The following HS3ST3A1 variants were observed in gnomAD, a reference collection of about 807,000 sequenced individuals.
HS3ST3A1 encodes heparan sulfate-glucosamine 3-sulfotransferase 3A1.
HS3ST3A1 carries 19 observed loss-of-function variants against 25.7 expected under a neutral mutation model. That is an observed-to-expected ratio of 0.74 (90% CI 0.52 to 1.08). HS3ST3A1 has a LOEUF of 1.08. Among genes scored for constraint, HS3ST3A1 ranks in the 50% least tolerant of loss-of-function variants. The probability of loss-of-function intolerance (pLI) is 0.00; values close to 1 mark genes in which losing one functional copy is unlikely to be tolerated. For synonymous variants in HS3ST3A1, 226 were observed against 278.6 expected (o/e 0.81, Z 1.88); for missense variants, 459 against 594.3 (o/e 0.77, Z 2.37).
intron 1 of HS3ST3A1, among the ~76,000 whole-genome samples, chr17:13,539,946 C>G (rs1906882375): frequency 6.6e-6 from 1 of 152,152 alleles, no homozygotes; most frequent in Non-Finnish European, 1.5e-5. Flanking sequence ...ACTAGAGCTA[C>G]AAAGAGAGGG....
chr17:13,522,127 AT>A (rs1906266951), intron 1 of HS3ST3A1, among the ~76,000 whole-genome samples: 1 of 152,238 alleles, frequency 6.6e-6, no homozygotes, highest in South Asian at 2.1e-4. Context: ...CAGATAAAAA[AT>A]ATCAGACAGC....
intron 1 of HS3ST3A1, among the ~76,000 whole-genome samples, chr17:13,559,595 GTTTAA>G (rs1274848953): frequency 6.7e-6 from 1 of 149,270 alleles, no homozygotes; most frequent in Non-Finnish European, 1.5e-5. Flanking sequence ...TGTATTATAT[GTTTAA>G]TTTATTATTG....
chr17:13,556,528 G>T (rs8076268), intron 1 of HS3ST3A1, among the ~76,000 whole-genome samples: 53,321 of 148,924 alleles, frequency 0.36, 11,980 homozygotes, highest in African/African-American at 0.65. Flanking sequence ...TAAAATAAAA[G>T]AAAATAAAAT....
chr17:13,576,289 G>C (rs181292516), intron 1 of HS3ST3A1, among the ~76,000 whole-genome samples: 3 of 152,352 alleles, frequency 2.0e-5, no homozygotes, highest in Admixed American at 1.3e-4. Context: ...ACAGTCATCA[G>C]CTGGAGCTGC....
intron 1 of HS3ST3A1, among the ~76,000 whole-genome samples, chr17:13,518,504 C>A (rs1312167802): frequency 6.6e-6 from 1 of 152,150 alleles, no homozygotes; most frequent in African/African-American, 2.4e-5. Context: ...TTGACGGGTC[C>A]AATTCTTCAT....
At chr17:13,597,938 C>T (rs1189810869) in intron 1 of HS3ST3A1, among the ~76,000 whole-genome samples, 2 of 152,174 alleles carry the variant, frequency 1.3e-5, no homozygotes, top group Admixed American at 1.3e-4. Flanking sequence ...GTGGCACTGC[C>T]ACCACAAACT....
At chr17:13,546,853 G>A (rs2142351586) in intron 1 of HS3ST3A1, among the ~76,000 whole-genome samples, 1 of 152,264 alleles carries the variant, frequency 6.6e-6, no homozygotes, top group South Asian at 2.1e-4. Flanking sequence ...CATGATAAAA[G>A]GGATTCTGGA....
At chr17:13,565,178 G>T (rs986610532) in intron 1 of HS3ST3A1, among the ~76,000 whole-genome samples, 4 of 151,662 alleles carry the variant, frequency 2.6e-5, no homozygotes, top group Non-Finnish European at 4.4e-5. Context: ...TTCAATTTTT[G>T]CATGGTAGCT....
At chr17:13,497,363 T>G (rs1247867971) in intron 1 of HS3ST3A1, among the ~76,000 whole-genome samples, 1 of 152,230 alleles carries the variant, frequency 6.6e-6, no homozygotes, top group Non-Finnish European at 1.5e-5. Flanking sequence ...GAATCCATCT[T>G]TTGCCTAATG....
At chr17:13,500,070 T>C (rs1291904399) in intron 1 of HS3ST3A1, among the ~76,000 whole-genome samples, 1 of 152,238 alleles carries the variant, frequency 6.6e-6, no homozygotes, top group Non-Finnish European at 1.5e-5. Flanking sequence ...TAAAATTTTT[T>C]TTCAAACAAG....
At chr17:13,504,494 G>A (rs530034647) in intron 1 of HS3ST3A1, among the ~76,000 whole-genome samples, 40 of 152,284 alleles carry the variant, frequency 2.6e-4, no homozygotes, top group African/African-American at 9.1e-4. Context: ...GTGTCTAGAA[G>A]AGGGCATGAG....
intron 1 of HS3ST3A1, among the ~76,000 whole-genome samples, chr17:13,579,016 T>C (rs1209188622): frequency 1.3e-5 from 2 of 152,206 alleles, no homozygotes; most frequent in African/African-American, 4.8e-5. Flanking sequence ...CACATAATTA[T>C]ATATTTTTAA....
chr17:13,556,850 T>TAA lies in HS3ST3A1; in HGVS notation c.599+43679_599+43680dup, dbSNP rs71144974. On this transcript the variant is annotated intron_variant, in intron 1 of 1. Coordinates refer to ENST00000284110, the MANE Select transcript of HS3ST3A1 (RefSeq NM_006042.3). Reference sequence around the variant, plus strand: ...CTGGGCGAAAGAGCGAAACTCCGCCTAAAAAAAAAAAAAAAAGCAAGATGA... The same window carrying TAA: ...CTGGGCGAAAGAGCGAAACTCCGCCTAAAAAAAAAAAAAAAAAAGCAAGATGA... Among the ~76,000 whole-genome samples the TAA allele has an allele frequency of 3.3e-3, 407 of 124,890 alleles. 11 individuals are homozygous for TAA. The highest frequency in any genetic ancestry group is 9.5e-3 in the African/African-American group (341 of 35,966). The allele number at this position is 124,890 out of a possible 152,430, so 81.9% of individuals were successfully genotyped here.
chr17:13,585,750 G>A (rs949749334), intron 1 of HS3ST3A1, among the ~76,000 whole-genome samples: 7 of 151,372 alleles, frequency 4.6e-5, no homozygotes, highest in Admixed American at 4.6e-4. Context: ...CCTTACTCCT[G>A]GGCTCCAGCT....
chr17:13,528,075 T>A (rs1906494706), intron 1 of HS3ST3A1, among the ~76,000 whole-genome samples: 1 of 152,148 alleles, frequency 6.6e-6, no homozygotes, highest in Non-Finnish European at 1.5e-5. Flanking sequence ...AAGGAGGGGA[T>A]CTACTGGATT....
intron 1 of HS3ST3A1, among the ~76,000 whole-genome samples, chr17:13,574,761 A>ACAC (rs759280619): frequency 0.022 from 2,261 of 103,814 alleles, 85 homozygotes; most frequent in East Asian, 0.16. Flanking sequence ...CACACACACA[A>ACAC]AAAACACACA....
At chr17:13,548,993 G>C (rs541077161) in intron 1 of HS3ST3A1, among the ~76,000 whole-genome samples, 1 of 152,180 alleles carries the variant, frequency 6.6e-6, no homozygotes, top group African/African-American at 2.4e-5. Flanking sequence ...ACCCGAGCCC[G>C]CAGCAGCGAT....
chr17:13,564,975 G>A (rs979361256), intron 1 of HS3ST3A1, among the ~76,000 whole-genome samples: 1 of 152,010 alleles, frequency 6.6e-6, no homozygotes, highest in Non-Finnish European at 1.5e-5. Context: ...GCCTGCTTTG[G>A]CCTCCCAAAG....
chr17:13,588,715 G>A (rs1219925896), intron 1 of HS3ST3A1, among the ~76,000 whole-genome samples: 3 of 148,656 alleles, frequency 2.0e-5, no homozygotes, highest in Admixed American at 6.8e-5. Flanking sequence ...ACGGAGTCTC[G>A]CTCTGTTGCC....
Sources: gnomAD v4.1 joint callset for allele counts (sites outside exome capture counted in the v4.1 genomes callset) on GRCh38, gnomAD v4.1.1 for gene constraint, MANE v1.5 for transcripts, NCBI Gene and HGNC (gene_info 2026-07-23, HGNC 2026-07-21) for gene names.